The following ABCA8 variants were observed in gnomAD, a reference collection of about 807,000 sequenced individuals.
ABCA8 encodes ABC-type organic anion transporter ABCA8.
A neutral mutation model predicts 192.3 loss-of-function variants in ABCA8; 177 were observed. That is an observed-to-expected ratio of 0.92 (90% CI 0.81 to 1.04). ABCA8 has a LOEUF of 1.04. ABCA8 is among the 50% of genes least tolerant of loss of function. The pLI is 0.00. For synonymous variants in ABCA8, 642 were observed against 690.2 expected (o/e 0.93, Z 1.09); for missense variants, 1,915 against 1,904.8 (o/e 1.01, Z -0.10).
chr17:68,929,247 A>G lies in ABCA8; in HGVS notation c.940-13T>C, dbSNP rs2067790339. On this transcript the variant is annotated splice_polypyrimidine_tract_variant and intron_variant, in intron 8 of 39. Coordinates refer to ENST00000586539, the MANE Select transcript of ABCA8 (RefSeq NM_001288985.2). Reference sequence around the variant, plus strand: ...AAGCCAAAGCTACCTAAAATGAGAGAAGATCTAGTTGGTTTATGTTTCTCT... The same window carrying G: ...AAGCCAAAGCTACCTAAAATGAGAGGAGATCTAGTTGGTTTATGTTTCTCT... 6.3e-7 allele frequency: 1 copy of G among 1,575,148 alleles called. No homozygotes were observed. The highest frequency in any genetic ancestry group is 8.6e-7 in the Non-Finnish European group (1 of 1,162,094).
chr17:68,887,917 T>TTATATATGG (rs1567830624), intron 24 of ABCA8, among the ~76,000 whole-genome samples: 628 of 48,498 alleles, frequency 0.013, 10 homozygotes, highest in Non-Finnish European at 0.017. Flanking sequence ...TCCATATATA[T>TTATATATGG]ATATATATTA....
Position 68,927,263 on chromosome 17 carries a change from GA to G in ABCA8, c.1273+652del, listed in dbSNP as rs200891971. 8.6e-3 allele frequency among the ~76,000 whole-genome samples: 1,291 copies of G among 150,586 alleles called. 15 individuals are homozygous for G. The highest frequency in any genetic ancestry group is 0.013 in the Non-Finnish European group (863 of 67,540). ...ACAGAGTGAGAGTCTGTCTCAAAAAGAAAAAAAAAGAAAGTGAAGCACACAA... is the reference window on the plus strand; with the variant it reads ...ACAGAGTGAGAGTCTGTCTCAAAAAGAAAAAAAAGAAAGTGAAGCACACAA... On this transcript the variant is annotated intron_variant, in intron 10 of 39. Coordinates refer to ENST00000586539, the MANE Select transcript of ABCA8 (RefSeq NM_001288985.2).
At chr17:68,926,373 A>C (rs1305206106) in intron 10 of ABCA8, among the ~76,000 whole-genome samples, 1 of 152,190 alleles carries the variant, frequency 6.6e-6, no homozygotes, top group East Asian at 1.9e-4. Context: ...AGGAAGAATT[A>C]GTAAGCACAA....
At chr17:68,885,885 T>A (rs951505710) in intron 26 of ABCA8, among the ~76,000 whole-genome samples, 1 of 151,994 alleles carries the variant, frequency 6.6e-6, no homozygotes, top group Non-Finnish European at 1.5e-5. Flanking sequence ...AAATAAACTT[T>A]AAAAAATAAA....
intron 38 of ABCA8, 46 bp downstream of exon 38, chr17:68,869,654 A>G (rs776612265): frequency 3.9e-6 from 5 of 1,265,960 alleles, no homozygotes; most frequent in Non-Finnish European, 5.7e-6. Flanking sequence ...TTATGATTTG[A>G]AATTATCTTC....
Position 68,884,383 on chromosome 17 carries a change from G to A in ABCA8, c.3563C>T (p.Ser1188Phe). Reference sequence around the variant, plus strand: ...ATCCATTCGTTCTTCAGAAAAGAGAGAAGAAAAGAGAAGCTGCAAAAGAAA... The same window carrying A: ...ATCCATTCGTTCTTCAGAAAAGAGAAAAGAAAAGAGAAGCTGCAAAAGAAA... ...LFLSSHLLFS[S>F]LFSEERMDVQ... is the part of the protein sequence containing the mutation. Residue 1188 changes from serine to phenylalanine, a missense_variant, in exon 28 of 40, where the codon TCT becomes TTT. Physicochemically the swap from Ser to Phe is radical, Grantham distance 155 (BLOSUM62 -2). Transcript: ENST00000586539. The A allele has an allele frequency of 6.3e-7, 1 of 1,587,656 alleles. No individual in the cohort carries two copies. Among genetic ancestry groups the A allele is most frequent in the Non-Finnish European group, 8.5e-7 (1 of 1,171,454 alleles).
intron 17 of ABCA8, among the ~76,000 whole-genome samples, chr17:68,910,289 G>C (rs2067200195): frequency 6.6e-6 from 1 of 152,210 alleles, no homozygotes; most frequent in Admixed American, 6.5e-5. Context: ...GCAGCTGTGT[G>C]GCACAGAGAG....
chr17:68,926,325 T>A (rs1598270511), intron 10 of ABCA8, among the ~76,000 whole-genome samples: 1 of 151,738 alleles, frequency 6.6e-6, no homozygotes, highest in Admixed American at 6.6e-5. Flanking sequence ...AAATGAAAAA[T>A]AATACAACCA....
At chr17:68,927,428 T>C (rs2067730598) in intron 10 of ABCA8, among the ~76,000 whole-genome samples, 1 of 144,386 alleles carries the variant, frequency 6.9e-6, no homozygotes, top group Non-Finnish European at 1.6e-5. Flanking sequence ...TTGGCTTTCC[T>C]ATTGTGAACT....
intron 17 of ABCA8, 81 bp from the exon 18 acceptor site, chr17:68,907,960 T>C (rs1391640718): frequency 3.2e-6 from 4 of 1,245,052 alleles, no homozygotes; most frequent in Middle Eastern, 2.9e-4. Context: ...CTAGTCTCTA[T>C]AGGACAAAGA....
intron 37 of ABCA8, among the ~76,000 whole-genome samples, chr17:68,872,265 A>G (rs898173389): frequency 1.3e-5 from 2 of 152,134 alleles, no homozygotes; most frequent in Non-Finnish European, 2.9e-5. Context: ...AAAATGATGA[A>G]TTCATGTCTT....
At chr17:68,903,005 T>C (rs1393610199) in intron 20 of ABCA8, 126 bp from the exon 21 acceptor site, 1 of 881,046 alleles carries the variant, frequency 1.1e-6, no homozygotes, top group Non-Finnish European at 1.7e-6. Context: ...GTCACATTTC[T>C]TGAGTATTTT....
rs1444699520 is a variant in ABCA8, at chr17:68,904,207, G to A, written c.2399-708C>T. On this transcript the variant is annotated intron_variant, in intron 19 of 39. Coordinates refer to ENST00000586539, the MANE Select transcript of ABCA8 (RefSeq NM_001288985.2). ...TGAGGCAGGAGAATGGCGTGAACCC[G>A]GGAGGCAGAGCTTGCAGTGAGCCGA... Among the ~76,000 whole-genome samples the A allele has an allele frequency of 3.3e-5, 5 of 151,660 alleles. No individual in the cohort carries two copies. In the South Asian group the frequency reaches 6.2e-4, roughly 19 times the overall value.
intron 1 of ABCA8, among the ~76,000 whole-genome samples, chr17:68,954,608 T>C (rs7208717): frequency 0.085 from 12,938 of 152,208 alleles, 1,727 homozygotes; most frequent in African/African-American, 0.28. Flanking sequence ...TTTTTACCAA[T>C]GTACATTTTA....
intron 35 of ABCA8, 100 bp from the exon 36 acceptor site, chr17:68,875,833 G>A: frequency 7.4e-7 from 1 of 1,354,490 alleles, no homozygotes; most frequent in Non-Finnish European, 1.0e-6. Context: ...TGAATAATTA[G>A]CAAAAAGAGA....
intron 35 of ABCA8, 120 bp downstream of exon 35, chr17:68,876,339 CA>C: frequency 9.3e-7 from 1 of 1,072,854 alleles, no homozygotes; most frequent in Non-Finnish European, 1.4e-6. Context: ...TTACAAGTGA[CA>C]TTGATAGTTT....
intron 37 of ABCA8, 44 bp downstream of exon 37, chr17:68,875,216 C>G (rs1038930723): frequency 7.5e-6 from 12 of 1,609,526 alleles, no homozygotes; most frequent in African/African-American, 1.3e-5. Context: ...TGACAAGTAA[C>G]AGTGAACATT....
At chr17:68,876,250 A>G (rs777795382) in intron 35 of ABCA8, 1 of 629,726 alleles carries the variant, frequency 1.6e-6, no homozygotes, top group Non-Finnish European at 2.7e-6. Flanking sequence ...GGCCCTAACA[A>G]TGGTAATTCT....
intron 5 of ABCA8, among the ~76,000 whole-genome samples, chr17:68,935,807 C>T (rs777838554): frequency 4.6e-5 from 7 of 151,950 alleles, no homozygotes; most frequent in Non-Finnish European, 1.0e-4. Flanking sequence ...TACACTTCTA[C>T]CAACGATGTA....
Sources: gnomAD v4.1 joint callset for allele counts (sites outside exome capture counted in the v4.1 genomes callset) on GRCh38, gnomAD v4.1.1 for gene constraint, MANE v1.5 for transcripts, NCBI Gene and HGNC (gene_info 2026-07-23, HGNC 2026-07-21) for gene names.